NYAP2: variants seen among roughly 807,000 people sequenced by gnomAD.
The protein encoded by NYAP2 is neuronal tyrosine-phosphorylated phosphoinositide-3-kinase adaptor 2, also known as neuronal tyrosine-phosphorylated phosphoinositide-3-kinase adapter 2.
Under a neutral mutation model 50.4 loss-of-function variants are expected in NYAP2, and 23 were observed. The observed-to-expected ratio is 0.46, with a 90% CI of 0.33 to 0.65. The LOEUF (loss-of-function observed/expected upper bound fraction) is 0.65, where lower values mean the gene tolerates loss of function less well. NYAP2 is among the 30% of genes least tolerant of loss of function. The probability of loss-of-function intolerance (pLI) is 0.02; values close to 1 mark genes in which losing one functional copy is unlikely to be tolerated. For synonymous variants in NYAP2, 394 were observed against 365.2 expected (o/e 1.08, Z -0.90); for missense variants, 885 against 861.0 (o/e 1.03, Z -0.35).
chr2:225,658,047 C>T (rs968765264), downstream of NYAP2, among the ~76,000 whole-genome samples: 1 of 152,168 alleles, frequency 6.6e-6, no homozygotes, highest in Non-Finnish European at 1.5e-5. Context: ...AACATGTTTT[C>T]CATGCCATTT....
intron 4 of NYAP2, among the ~76,000 whole-genome samples, chr2:225,516,058 G>T (rs368163517): frequency 1.3e-5 from 2 of 152,074 alleles, no homozygotes; most frequent in African/African-American, 2.4e-5. Context: ...CTTCGTGGAG[G>T]GGGAGCTGGG....
the NYAP2 span, chr2:225,698,629 T>C: frequency 6.6e-6 from 1 of 152,288 alleles, no homozygotes; most frequent in African/African-American, 2.4e-5. Flanking sequence ...CTGTTACATA[T>C]CTTTTCTGTG....
chr2:225,575,212 C>A (rs1199473531), intron 4 of NYAP2, among the ~76,000 whole-genome samples: 7 of 152,134 alleles, frequency 4.6e-5, no homozygotes, highest in Non-Finnish European at 7.3e-5. Context: ...CTTTTCCAGC[C>A]TCCAATATCA....
intron 4 of NYAP2, among the ~76,000 whole-genome samples, chr2:225,538,555 A>T (rs1402646141): frequency 6.6e-6 from 1 of 152,174 alleles, no homozygotes; most frequent in Non-Finnish European, 1.5e-5. Flanking sequence ...GGCTGCACAC[A>T]GCACAGGGAC....
intron 4 of NYAP2, among the ~76,000 whole-genome samples, chr2:225,573,255 T>G (rs932578111): frequency 6.6e-6 from 1 of 150,866 alleles, no homozygotes; most frequent in Non-Finnish European, 1.5e-5. Context: ...TATTTCTTTT[T>G]TTTTTTTTTT....
At chr2:225,474,747 C>G (rs1006340796) in intron 3 of NYAP2, among the ~76,000 whole-genome samples, 49 of 152,226 alleles carry the variant, frequency 3.2e-4, no homozygotes, top group Non-Finnish European at 2.1e-4. Flanking sequence ...ACAATCATGT[C>G]ATCTGCAAAC....
At chr2:225,577,325 T>C (rs1379451106) in intron 4 of NYAP2, among the ~76,000 whole-genome samples, 1 of 152,216 alleles carries the variant, frequency 6.6e-6, no homozygotes, top group African/African-American at 2.4e-5. Context: ...ACCTTTTTAT[T>C]ATGGTTGAAT....
chr2:225,449,601 CTTTTTTTTTTTTTT>C (rs201552006), intron 3 of NYAP2, among the ~76,000 whole-genome samples: 9 of 96,310 alleles, frequency 9.3e-5, no homozygotes, highest in African/African-American at 3.5e-4. Flanking sequence ...CTCTCTTTCT[CTTTTTTTTTTTTTT>C]TTTTTTTTTT....
In NYAP2 at chr2:225,408,857, C is replaced by G; in HGVS notation, c.-17-7C>G. ...GGATAAAAGTAAAATGTGTTCTCAC[C>G]CTGCAGGCAGTGTTCCTCTTTACAT... On this transcript the variant is annotated splice_polypyrimidine_tract_variant and splice_region_variant and intron_variant, in intron 2 of 6. Transcript: ENST00000636099. The G allele has an allele frequency of 1.3e-6, 2 of 1,502,858 alleles. No homozygotes were observed. Among genetic ancestry groups the G allele is most frequent in the Non-Finnish European group, 1.8e-6 (2 of 1,082,632 alleles). 93.1% of individuals were successfully genotyped at this position (1,502,858 alleles called of 1,614,324 possible).
At chr2:225,516,158 G>A (rs1690930434) in intron 4 of NYAP2, among the ~76,000 whole-genome samples, 2 of 152,058 alleles carry the variant, frequency 1.3e-5, no homozygotes, top group African/African-American at 4.8e-5. Flanking sequence ...AAAAATAGAA[G>A]GGATTCCCAT....
chr2:225,548,079 A>C (rs1033438539), intron 4 of NYAP2, among the ~76,000 whole-genome samples: 2 of 152,090 alleles, frequency 1.3e-5, no homozygotes, highest in African/African-American at 4.8e-5. Context: ...TCATTCTTAC[A>C]AACTAATTTT....
At chr2:225,481,720 T>C (rs1390242612) in intron 3 of NYAP2, among the ~76,000 whole-genome samples, 2 of 152,082 alleles carry the variant, frequency 1.3e-5, no homozygotes, top group African/African-American at 4.8e-5. Flanking sequence ...AAATGCAAAA[T>C]AGATGAAGTT....
intron 4 of NYAP2, among the ~76,000 whole-genome samples, chr2:225,522,976 C>T (rs1477574041): frequency 6.6e-6 from 1 of 152,062 alleles, no homozygotes; most frequent in Non-Finnish European, 1.5e-5. Context: ...GATTTTCTTC[C>T]AGTGTAAAAT....
chr2:225,445,797 A>C (rs1166729258), intron 3 of NYAP2, among the ~76,000 whole-genome samples: 1 of 152,170 alleles, frequency 6.6e-6, no homozygotes, highest in Non-Finnish European at 1.5e-5. Flanking sequence ...AATTAAATTC[A>C]AAATATTTTA....
intron 6 of NYAP2, among the ~76,000 whole-genome samples, chr2:225,627,749 A>C (rs1337659255): frequency 3.3e-5 from 5 of 152,252 alleles, no homozygotes; most frequent in Non-Finnish European, 5.9e-5. Flanking sequence ...TACATGGTTA[A>C]TAGGTAGGTA....
chr2:225,399,543 G>A (rs1170166409), upstream of NYAP2, among the ~76,000 whole-genome samples: 1 of 152,034 alleles, frequency 6.6e-6, no homozygotes, highest in Non-Finnish European at 1.5e-5. Context: ...AAAAAAATGT[G>A]CAGTCCGAGT....
At chr2:225,455,141 C>G (rs1689719937) in intron 3 of NYAP2, among the ~76,000 whole-genome samples, 1 of 152,144 alleles carries the variant, frequency 6.6e-6, no homozygotes, top group Non-Finnish European at 1.5e-5. Flanking sequence ...CATTATCCCC[C>G]AGAGTCTTGG....
chr2:225,505,612 C>T (rs1448153320), intron 3 of NYAP2, among the ~76,000 whole-genome samples: 1 of 152,126 alleles, frequency 6.6e-6, no homozygotes, highest in African/African-American at 2.4e-5. Flanking sequence ...TTGTATCATC[C>T]TGAGTCTATC....
At chr2:225,448,959 C>T (rs1462692257) in intron 3 of NYAP2, among the ~76,000 whole-genome samples, 1 of 152,174 alleles carries the variant, frequency 6.6e-6, no homozygotes, top group Non-Finnish European at 1.5e-5. Context: ...TCTGTACAAA[C>T]TGCATGATGA....
Sources: gnomAD v4.1 joint callset for allele counts (sites outside exome capture counted in the v4.1 genomes callset) on GRCh38, gnomAD v4.1.1 for gene constraint, MANE v1.5 for transcripts, NCBI Gene and HGNC (gene_info 2026-07-23, HGNC 2026-07-21) for gene names.